HYAL2: variants seen among roughly 807,000 people sequenced by gnomAD.
The protein encoded by HYAL2 is hyaluronidase 2.
HYAL2 carries 30 observed loss-of-function variants against 35.4 expected under a neutral mutation model. That is an observed-to-expected ratio of 0.85 (90% CI 0.63 to 1.15). HYAL2 has a LOEUF of 1.15. Ranked by LOEUF, HYAL2 falls within the 50% of genes most tolerant of loss-of-function variation. HYAL2 has a pLI of 0.00. For missense variants in HYAL2, 635 were observed against 646.5 expected, an observed-to-expected ratio of 0.98 and a Z score of 0.19; for synonymous variants, 262 against 252.8, an observed-to-expected ratio of 1.04 and a Z score of -0.34.
chr3:50,319,876 AAG>A lies in HYAL2; in HGVS notation c.612_613del (p.Phe205LeufsTer5). The A allele has an allele frequency of 6.2e-7, 1 of 1,613,742 alleles. No individual in the cohort carries two copies. The highest frequency in any genetic ancestry group is 8.5e-7 in the Non-Finnish European group (1 of 1,180,030). On this transcript the variant is annotated frameshift_variant, in exon 2 of 4. Transcript: ENST00000357750. LOFTEE classifies it high-confidence loss of function. Reference sequence around the variant, plus strand: ...ATTGTAGCAGTCAGGAAAGAGGTAGAAGCCCCAGAGGTGCCGGGGCCGCACTG... The same window carrying A: ...ATTGTAGCAGTCAGGAAAGAGGTAGACCCCAGAGGTGCCGGGGCCGCACTG...
chr3:50,318,722 G>A lies in HYAL2; in HGVS notation c.1012-183C>T, dbSNP rs587599795. The stretch of plus-strand genomic sequence containing the variant: ...TGAGAAGTGGGTGGGGGTACAGACC[G>A]GAACCCAGTTGGGCAGATGGGGAAG... On this transcript the variant is annotated intron_variant, in intron 3 of 3. Coordinates refer to ENST00000357750, the MANE Select transcript of HYAL2 (RefSeq NM_003773.5). This position sits in a 1 kb window ranked among gnomAD's most constrained non-coding sequence, Gnocchi z 4.5. 61 of 706,810 alleles carry A rather than the reference G, an allele frequency of 8.6e-5. No individual in the cohort carries two copies. Among genetic ancestry groups the A allele is most frequent in the Non-Finnish European group, 1.3e-4 (57 of 429,408 alleles). The allele number at this position is 706,810 out of a possible 1,614,324, so 43.8% of individuals were successfully genotyped here.
In HYAL2 at chr3:50,318,520, T is replaced by C. The variant is rs782618527; in HGVS notation, c.1031A>G (p.Lys344Arg). 18 of 1,606,586 alleles carry C rather than the reference T, an allele frequency of 1.1e-5. No homozygotes were observed. In the Middle Eastern group the frequency reaches 6.6e-4, roughly 59 times the overall value. ...GACCAGCAGCCGTGTCAGGTAATCT[T>C]TGAGGTACTGGCAGGTCTCCTGGAG... ...TTSTETCQYL[K>R]DYLTRLLVPY... is the part of the protein sequence containing the mutation. The change falls in exon 4 of 4, where the codon AAA becomes AGA. Residue 344 changes from lysine (K) to arginine (R), a missense_variant. Physicochemically the swap from Lys to Arg is conservative, Grantham distance 26. Coordinates refer to ENST00000357750, the MANE Select transcript of HYAL2 (RefSeq NM_003773.5). The surrounding 1 kb of genome is among the most constrained non-coding windows in gnomAD (Gnocchi z 4.5).
chr3:50,319,961 A>G lies in HYAL2; in HGVS notation c.529T>C (p.Tyr177His), dbSNP rs782742704. 2 of 1,613,522 alleles carry G rather than the reference A, an allele frequency of 1.2e-6. No individual in the cohort carries two copies. Among genetic ancestry groups the G allele is most frequent in the South Asian group, 2.2e-5 (2 of 91,082 alleles). Residue 177 changes from tyrosine (Y) to histidine (H), a missense_variant, in exon 2 of 4, where the codon TAT (tyrosine) becomes CAT (histidine). By Grantham distance (83) the Tyr-to-His change is moderately conservative. Transcript: ENST00000357750. Reference protein sequence around the residue: ...PPDRIVKQAQYEFEFAAQQFM... With the variant: ...PPDRIVKQAQHEFEFAAQQFM... ...TGCTGTGCTGCGAACTCAAACTCATATTGTGCCTGTTTGACTATGCGGTCT... is the reference window on the plus strand; with the variant it reads ...TGCTGTGCTGCGAACTCAAACTCATGTTGTGCCTGTTTGACTATGCGGTCT...
Position 50,322,448 on chromosome 3 carries a change from T to TGG in HYAL2, c.-47+203_-47+204dup, listed in dbSNP as rs1702719837. 6.6e-6 allele frequency: 1 copy of TGG among 151,958 alleles called. No homozygotes were observed. Among genetic ancestry groups the TGG allele is most frequent in the Admixed American group, 6.5e-5 (1 of 15,272 alleles). The allele number at this position is 151,958 out of a possible 1,614,324, so 9.4% of individuals were successfully genotyped here. ...CCTACGCTCCACAGGCCTCTCCCGG[T>TGG]GGGGGGCAGGCTTAGACCCTGGCGA... is the stretch of plus-strand genomic sequence containing the variant. On this transcript the variant is annotated intron_variant, in intron 1 of 3. Coordinates refer to ENST00000357750, the MANE Select transcript of HYAL2 (RefSeq NM_003773.5). The surrounding 1 kb of genome is among the most constrained non-coding windows in gnomAD (Gnocchi z 5.5).
At chr3:50,319,499 C>T in intron 2 of HYAL2, 70 bp downstream of exon 2, 2 of 1,381,222 alleles carry the variant, frequency 1.4e-6, no homozygotes, top group Non-Finnish European at 2.0e-6. Flanking sequence ...CTATAGTGGC[C>T]CCTGATAACC....
chr3:50,319,632 A>G lies in HYAL2; in HGVS notation c.858T>C (p.His286=), dbSNP rs782297039. ...GTGTGAAGACGTAGACTGGGAGTGC[A>G]TGGTTGGCATGGTGGGTGCGAGCCA... is the stretch of plus-strand genomic sequence containing the variant. ...LRVARTHHAN[H]ALPVYVFTRP... Residue 286 remains histidine, a synonymous_variant, in exon 2 of 4, where the codon CAT becomes CAC. Coordinates refer to ENST00000357750, the MANE Select transcript of HYAL2 (RefSeq NM_003773.5). The G allele has an allele frequency of 6.2e-7, 1 of 1,613,790 alleles. No homozygotes were observed. Among genetic ancestry groups the G allele is most frequent in the Non-Finnish European group, 8.5e-7 (1 of 1,180,012 alleles).
rs782798133 is a variant in HYAL2, at chr3:50,320,389, C to T, written c.101G>A (p.Arg34Gln). 4.3e-6 allele frequency: 7 copies of T among 1,611,858 alleles called. No individual in the cohort carries two copies. The highest frequency in any genetic ancestry group is 5.1e-6 in the Non-Finnish European group (6 of 1,178,784). Reference sequence around the variant, plus strand: ...CACGTCCCACGCTACCACAAAGGGCCGGCCAGTGAAGATGGGTGGTGCTGT... The same window carrying T: ...CACGTCCCACGCTACCACAAAGGGCTGGCCAGTGAAGATGGGTGGTGCTGT... ...KPTAPPIFTG[R>Q]PFVVAWDVPT... The change falls in exon 2 of 4, where the codon CGG (arginine) becomes CAG (glutamine). Residue 34 changes from arginine (R) to glutamine (Q), a missense_variant. Transcript: ENST00000357750. This position sits in a 1 kb window ranked among gnomAD's most constrained non-coding sequence, Gnocchi z 4.8.
chr3:50,320,653 T>C lies in HYAL2; in HGVS notation c.-46-118A>G. 1 of 680,658 alleles carries C rather than the reference T, an allele frequency of 1.5e-6. No individual in the cohort carries two copies. The highest frequency in any genetic ancestry group is 2.8e-5 in the East Asian group (1 of 35,636). 42.2% of individuals were successfully genotyped at this position (680,658 alleles called of 1,614,324 possible). Reference sequence around the variant, plus strand: ...GGGGGCACTGTGCTCATGGCTGTAATAGGTTTGAGAGACCACAGGCCACTG... The same window carrying C: ...GGGGGCACTGTGCTCATGGCTGTAACAGGTTTGAGAGACCACAGGCCACTG... On this transcript the variant is annotated intron_variant, in intron 1 of 3. Coordinates refer to ENST00000357750, the MANE Select transcript of HYAL2 (RefSeq NM_003773.5). The surrounding 1 kb of genome is among the most constrained non-coding windows in gnomAD (Gnocchi z 4.8).
intron 1 of HYAL2, chr3:50,321,552 G>C (rs897434763): frequency 1.3e-5 from 2 of 152,286 alleles, no homozygotes; most frequent in African/African-American, 4.8e-5. Flanking sequence ...GGACGGGGCG[G>C]GAAGGTGTGG....
At chr3:50,319,180 G>A in intron 2 of HYAL2, 135 bp from the exon 3 acceptor site, 1 of 608,702 alleles carries the variant, frequency 1.6e-6, no homozygotes, top group Non-Finnish European at 2.8e-6. Flanking sequence ...CCAGGCAGAG[G>A]CTCATTTGTT....
chr3:50,320,414 T>G lies in HYAL2; in HGVS notation c.76A>C (p.Thr26Pro). The G allele has an allele frequency of 6.2e-7, 1 of 1,606,164 alleles. No homozygotes were observed. Among genetic ancestry groups the G allele is most frequent in the Non-Finnish European group, 8.5e-7 (1 of 1,175,626 alleles). Reference sequence around the variant, plus strand: ...CGGCCAGTGAAGATGGGTGGTGCTGTGGGCTTGAGCTCCATGGCCCATGAC... The same window carrying G: ...CGGCCAGTGAAGATGGGTGGTGCTGGGGGCTTGAGCTCCATGGCCCATGAC... ...AVSWAMELKP[T>P]APPIFTGRPF... is the part of the protein sequence containing the mutation. The change falls in exon 2 of 4, where the codon ACA becomes CCA. Residue 26 changes from threonine (T) to proline (P), a missense_variant. Coordinates refer to ENST00000357750, the MANE Select transcript of HYAL2 (RefSeq NM_003773.5). This position sits in a 1 kb window ranked among gnomAD's most constrained non-coding sequence, Gnocchi z 4.8.
intron 2 of HYAL2, 28 bp from the exon 3 acceptor site, chr3:50,319,073 G>T: frequency 6.6e-7 from 1 of 1,505,886 alleles, no homozygotes; most frequent in Non-Finnish European, 9.2e-7. Context: ...TGGTCACTGG[G>T]GAAGACTGAG....
rs782686628 is a variant in HYAL2, at chr3:50,318,505, C to T, written c.1046G>A (p.Arg349Gln). Reference protein sequence around the residue: ...TCQYLKDYLTRLLVPYVVNVS... With the variant: ...TCQYLKDYLTQLLVPYVVNVS... ...ATTGACCACGTAGGGGACCAGCAGC[C>T]GTGTCAGGTAATCTTTGAGGTACTG... The change falls in exon 4 of 4, where the codon CGG becomes CAG. Residue 349 changes from arginine to glutamine, a missense_variant. Physicochemically the swap from Arg to Gln is conservative, Grantham distance 43 (BLOSUM62 1). Transcript: ENST00000357750. This position sits in a 1 kb window ranked among gnomAD's most constrained non-coding sequence, Gnocchi z 4.5. 14 of 1,609,192 alleles carry T rather than the reference C, an allele frequency of 8.7e-6. No individual in the cohort carries two copies. Among genetic ancestry groups the T allele is most frequent in the Middle Eastern group, 1.6e-4 (1 of 6,066 alleles).
Position 50,320,533 on chromosome 3 carries a change from G to A in HYAL2, c.-44C>T. On this transcript the variant is annotated splice_region_variant and 5_prime_UTR_variant, in exon 2 of 4. Transcript: ENST00000357750. This position sits in a 1 kb window ranked among gnomAD's most constrained non-coding sequence, Gnocchi z 4.8. ...TGTCACCTGCCTGGCACCAGCTCAG[G>A]AACTGGAAGAAGGGTTGGGGAGAAC... The A allele has an allele frequency of 3.4e-6, 5 of 1,466,912 alleles. No individual in the cohort carries two copies. In the East Asian group the frequency reaches 7.1e-5, roughly 21 times the overall value. 90.9% of individuals were successfully genotyped at this position (1,466,912 alleles called of 1,614,324 possible).
chr3:50,321,642 T>C (rs1553716737), intron 1 of HYAL2: 1 of 151,772 alleles, frequency 6.6e-6, no homozygotes, highest in Non-Finnish European at 1.5e-5. Context: ...GCCGCCCATT[T>C]AGGACCCTAA....
Position 50,318,477 on chromosome 3 carries a change from C to T in HYAL2, c.1074G>A (p.Val358=), listed in dbSNP as rs1327870477. The T allele has an allele frequency of 1.2e-6, 2 of 1,612,808 alleles. No individual in the cohort carries two copies. The highest frequency in any genetic ancestry group is 2.7e-5 in the African/African-American group (2 of 74,950). ...GGCTGCAATATTGGGTGGCCCAGGA[C>T]ACATTGACCACGTAGGGGACCAGCA... ...TRLLVPYVVN[V]SWATQYCSRA... is the part of the protein sequence containing the mutation. Residue 358 remains valine, a synonymous_variant, in exon 4 of 4, where the codon GTG becomes GTA. Coordinates refer to ENST00000357750, the MANE Select transcript of HYAL2 (RefSeq NM_003773.5). The surrounding 1 kb of genome is among the most constrained non-coding windows in gnomAD (Gnocchi z 4.5).
Position 50,318,309 on chromosome 3 carries a change from A to G in HYAL2, c.1242T>C (p.Ser414=), listed in dbSNP as rs1553715850. ...EPQLRPVGEL[S]WADIDHLQTH... The stretch of plus-strand genomic sequence containing the variant: ...TCTGCAGGTGGTCAATGTCGGCCCA[A>G]CTGAGCTCCCCCACAGGTCGCAGCT... Residue 414 remains serine, a synonymous_variant, in exon 4 of 4, where the codon AGT becomes AGC. Coordinates refer to ENST00000357750, the MANE Select transcript of HYAL2 (RefSeq NM_003773.5). This position sits in a 1 kb window ranked among gnomAD's most constrained non-coding sequence, Gnocchi z 4.5. 5 of 1,613,414 alleles carry G rather than the reference A, an allele frequency of 3.1e-6. No individual in the cohort carries two copies. Among genetic ancestry groups the G allele is most frequent in the Non-Finnish European group, 4.2e-6 (5 of 1,180,026 alleles).
chr3:50,319,497 GC>G (rs1702634121), intron 2 of HYAL2, 71 bp downstream of exon 2: 12 of 1,335,332 alleles, frequency 9.0e-6, no homozygotes, highest in Non-Finnish European at 1.1e-5. Context: ...TCCTATAGTG[GC>G]CCCTGATAAC....
intron 2 of HYAL2, among the ~76,000 whole-genome samples, chr3:50,319,343 G>T (rs1702631469): frequency 6.6e-6 from 1 of 152,224 alleles, no homozygotes; most frequent in Admixed American, 6.5e-5. Context: ...CTCTGGATTT[G>T]CTGGGAAGCT....
Sources: gnomAD v4.1 joint callset for allele counts (sites outside exome capture counted in the v4.1 genomes callset) on GRCh38, gnomAD v4.1.1 for gene constraint, Gnocchi (gnomAD v3.1) non-coding constraint, MANE v1.5 for transcripts, NCBI Gene and HGNC (gene_info 2026-07-23, HGNC 2026-07-21) for gene names.